The following ZC4H2 variants were observed in gnomAD, a reference collection of about 807,000 sequenced individuals.
ZC4H2 encodes the protein zinc finger C4H2-type containing.
For synonymous variants in ZC4H2, 84 were observed against 66.3 expected, an observed-to-expected ratio of 1.27 and a Z score of -1.30; for missense variants, 137 against 173.9, an observed-to-expected ratio of 0.79 and a Z score of 1.19.
chrX:64,991,756 A>G (rs1463100599), intron 1 of ZC4H2, among the ~76,000 whole-genome samples: 3 of 112,139 alleles, frequency 2.7e-5, no homozygotes, highest in Non-Finnish European at 5.6e-5. Context: ...TAAGAGCCCA[A>G]AAAGTAGAAA....
At chrX:64,976,216 T>C in intron 1 of ZC4H2, 109 bp downstream of exon 1, 1 of 899,501 alleles carries the variant, frequency 1.1e-6, no homozygotes, top group South Asian at 2.1e-5. Flanking sequence ...CTGTGGTGAA[T>C]GGGCCCCTTT....
intron 1 of ZC4H2, among the ~76,000 whole-genome samples, chrX:64,927,851 G>C (rs944421507): frequency 8.9e-6 from 1 of 112,164 alleles, no homozygotes; most frequent in Non-Finnish European, 1.9e-5. Context: ...TCTCATTTTG[G>C]TTTCGATTTG....
intron 1 of ZC4H2, among the ~76,000 whole-genome samples, chrX:64,934,268 AT>A (rs1434613564): frequency 8.9e-6 from 1 of 112,284 alleles, no homozygotes; most frequent in Non-Finnish European, 1.9e-5. Context: ...AATTTTTAAC[AT>A]TTTTACTCCA....
chrX:65,003,634 T>C (rs1275707363), intron 1 of ZC4H2, among the ~76,000 whole-genome samples: 2 of 110,420 alleles, frequency 1.8e-5, no homozygotes, highest in Non-Finnish European at 1.9e-5. Context: ...TCCCAGCACT[T>C]TGGGAGGCTG....
At chrX:65,011,067 AAC>A (rs1932751319) in intron 1 of ZC4H2, among the ~76,000 whole-genome samples, 1 of 111,752 alleles carries the variant, frequency 8.9e-6, no homozygotes, top group African/African-American at 3.2e-5. Flanking sequence ...AAACAGAATA[AAC>A]AGTCTTTTTC....
intron 1 of ZC4H2, among the ~76,000 whole-genome samples, chrX:64,938,735 C>T (rs2147371269): frequency 8.9e-6 from 1 of 111,960 alleles, no homozygotes; most frequent in African/African-American, 3.2e-5. Context: ...CATAATTCAA[C>T]ACCCCTTTAT....
intron 1 of ZC4H2, among the ~76,000 whole-genome samples, chrX:64,996,538 T>C (rs1427655795): frequency 9.0e-6 from 1 of 111,453 alleles, no homozygotes; most frequent in East Asian, 2.8e-4. Flanking sequence ...AACACAACTG[T>C]CATAAATATG....
intron 1 of ZC4H2, among the ~76,000 whole-genome samples, chrX:64,994,388 C>A (rs1932368992): frequency 8.9e-6 from 1 of 111,929 alleles, no homozygotes; most frequent in African/African-American, 3.3e-5. Flanking sequence ...CTATGCAATG[C>A]TTTATATAAA....
At chrX:64,948,357 GA>G (rs772640268) in intron 1 of ZC4H2, among the ~76,000 whole-genome samples, 2 of 110,695 alleles carry the variant, frequency 1.8e-5, no homozygotes, top group African/African-American at 6.6e-5. Context: ...TGTAGAAATT[GA>G]AAAAAAATTG....
chrX:64,990,660 G>A (rs903798368), intron 1 of ZC4H2, among the ~76,000 whole-genome samples: 1 of 111,545 alleles, frequency 9.0e-6, no homozygotes, highest in Non-Finnish European at 1.9e-5. Context: ...TTATGCTCAA[G>A]TCAACTACCT....
In ZC4H2 at chrX:64,925,522, A is replaced by C. The variant is rs538036561; in HGVS notation, c.54-3534T>G. On this transcript the variant is annotated intron_variant, in intron 1 of 4. Transcript: ENST00000374839. ...TTGTAATTAATTCGATTAAGATGAA[A>C]GTAACTACCACTAACTGAAATCAGG... Among the ~76,000 whole-genome samples the C allele has an allele frequency of 2.7e-5, 3 of 112,112 alleles. No homozygotes were observed. In the South Asian group the frequency reaches 1.1e-3, roughly 42 times the overall value.
At chrX:64,985,690 A>G (rs909931049) in intron 1 of ZC4H2, among the ~76,000 whole-genome samples, 1 of 111,736 alleles carries the variant, frequency 8.9e-6, no homozygotes, top group African/African-American at 3.3e-5. Context: ...AAACTCTACC[A>G]GGGAGAATCT....
intron 1 of ZC4H2, among the ~76,000 whole-genome samples, chrX:64,972,857 T>C (rs1602430378): frequency 8.9e-6 from 1 of 112,294 alleles, no homozygotes; most frequent in Non-Finnish European, 1.9e-5. Flanking sequence ...TATCTGTCCA[T>C]ATGTGAACAT....
chrX:64,947,014 C>T (rs1446864579), intron 1 of ZC4H2, among the ~76,000 whole-genome samples: 2 of 111,473 alleles, frequency 1.8e-5, no homozygotes, highest in Non-Finnish European at 3.8e-5. Context: ...GCTTTTACTG[C>T]ATCTCACAAT....
At chrX:65,024,576 C>G (rs1487803924) in intron 1 of ZC4H2, among the ~76,000 whole-genome samples, 1 of 111,484 alleles carries the variant, frequency 9.0e-6, no homozygotes, top group Non-Finnish European at 1.9e-5. Flanking sequence ...AACAAACAAA[C>G]AAACAAACAC....
At chrX:64,924,673 G>A (rs1051000211) in intron 1 of ZC4H2, among the ~76,000 whole-genome samples, 15 of 111,440 alleles carry the variant, frequency 1.3e-4, no homozygotes, top group South Asian at 3.8e-4. Flanking sequence ...ATAGGAGTTC[G>A]CTGGTGAGTG....
At chrX:65,004,958 T>A (rs1439815087) in intron 1 of ZC4H2, among the ~76,000 whole-genome samples, 1 of 111,377 alleles carries the variant, frequency 9.0e-6, no homozygotes, top group African/African-American at 3.3e-5. Context: ...GAGAGCCAAA[T>A]CATGAGTGAA....
intron 1 of ZC4H2, among the ~76,000 whole-genome samples, chrX:65,008,534 T>C (rs1205508651): frequency 1.8e-5 from 2 of 112,344 alleles, no homozygotes; most frequent in African/African-American, 6.5e-5. Context: ...GGAGCACTAT[T>C]CACAATAGCC....
chrX:64,936,267 A>G, intron 1 of ZC4H2, among the ~76,000 whole-genome samples: 1 of 110,989 alleles, frequency 9.0e-6, no homozygotes, highest in East Asian at 2.8e-4. Flanking sequence ...GAAATATGGG[A>G]CTATGTGAAA....
Sources: gnomAD v4.1 joint callset for allele counts (sites outside exome capture counted in the v4.1 genomes callset) on GRCh38, gnomAD v4.1.1 for gene constraint, MANE v1.5 for transcripts, NCBI Gene and HGNC (gene_info 2026-07-23, HGNC 2026-07-21) for gene names.